Variants in LHFPL3 observed in about 807,000 individuals in gnomAD.
LHFPL3 encodes LHFPL tetraspan subfamily member 3.
Under a neutral mutation model 19.3 loss-of-function variants are expected in LHFPL3, and 5 were observed. The observed-to-expected ratio is 0.26, with a 90% CI of 0.14 to 0.54. The LOEUF (loss-of-function observed/expected upper bound fraction) is 0.54, where lower values mean the gene tolerates loss of function less well. Among genes scored for constraint, LHFPL3 ranks in the 20% least tolerant of loss-of-function variants. The pLI is 0.94. For missense variants in LHFPL3, 249 were observed against 307.4 expected (o/e 0.81, Z 1.42); for synonymous variants, 133 against 126.2 (o/e 1.05, Z -0.36).
intron 2 of LHFPL3, among the ~76,000 whole-genome samples, chr7:104,844,436 G>C (rs1791274194): frequency 6.6e-6 from 1 of 152,180 alleles, no homozygotes; most frequent in Non-Finnish European, 1.5e-5. Context: ...AAGTTACTCT[G>C]AATTGCTTTA....
At chr7:104,732,317 A>G (rs1173061185) in intron 1 of LHFPL3, among the ~76,000 whole-genome samples, 1 of 152,040 alleles carries the variant, frequency 6.6e-6, no homozygotes, top group African/African-American at 2.4e-5. Flanking sequence ...TGCTCCTTGT[A>G]CCTCTGGTAG....
intron 1 of LHFPL3, among the ~76,000 whole-genome samples, chr7:104,383,714 A>T (rs918124126): frequency 6.6e-6 from 1 of 152,288 alleles, no homozygotes; most frequent in Middle Eastern, 3.4e-3. Context: ...TAAAGGTAAG[A>T]TTGTAGGAAT....
intron 1 of LHFPL3, among the ~76,000 whole-genome samples, chr7:104,584,464 T>C (rs1346365457): frequency 6.6e-6 from 1 of 151,984 alleles, no homozygotes; most frequent in Non-Finnish European, 1.5e-5. Context: ...ATAATAATAA[T>C]AAAATTTTTT....
Position 104,518,714 on chromosome 7 carries a change from G to A in LHFPL3, c.445+189490G>A, listed in dbSNP as rs910643006. Among the ~76,000 whole-genome samples the A allele has an allele frequency of 3.3e-5, 5 of 152,206 alleles. No homozygotes were observed. The East Asian group carries it at 5.8e-4, about 18-fold the overall frequency. ...CAGGAGAATCACTTGAACATGGGAG[G>A]TGGAGGTTGCAGTGAGCTGAGATTA... is the stretch of plus-strand genomic sequence containing the variant. On this transcript the variant is annotated intron_variant, in intron 1 of 2. Coordinates refer to ENST00000424859, the MANE Select transcript of LHFPL3 (RefSeq NM_199000.3).
rs565747502 is a variant in LHFPL3 at position 104,849,164 on chromosome 7, C to G, written c.683-57023C>G. Among the ~76,000 whole-genome samples the G allele has an allele frequency of 2.6e-4, 40 of 152,296 alleles. No individual in the cohort carries two copies. In the South Asian group the frequency reaches 8.1e-3, roughly 31 times the overall value. ...CAGGCTGGTCTTGAACTCCTGGGCT[C>G]AAGCCATCCACCCACTTCGGCCTCC... On this transcript the variant is annotated intron_variant, in intron 2 of 2. Transcript: ENST00000424859.
intron 1 of LHFPL3, among the ~76,000 whole-genome samples, chr7:104,466,019 G>A (rs1352878326): frequency 1.3e-5 from 2 of 152,296 alleles, no homozygotes; most frequent in South Asian, 2.1e-4. Flanking sequence ...GCCATGTGGC[G>A]AAGAGAAGAA....
At position 104,683,178 on chromosome 7, in the gene LHFPL3, C is replaced by T. The variant is rs183399281; in HGVS notation, c.446-53497C>T. Among the ~76,000 whole-genome samples the T allele has an allele frequency of 2.9e-3, 437 of 152,196 alleles. 1 individual carries two copies. Among genetic ancestry groups the T allele is most frequent in the African/African-American group, 0.01 (418 of 41,536 alleles). ...CTGATTTTTGTATTTTTAGTAGAGA[C>T]GAGGTTTCACCATGTTGGCCAGACT... is the stretch of plus-strand genomic sequence containing the variant. On this transcript the variant is annotated intron_variant, in intron 1 of 2. Transcript: ENST00000424859.
rs115779568 is a variant in LHFPL3 at position 104,354,361 on chromosome 7, C to G, written c.445+25137C>G. Among the ~76,000 whole-genome samples, 324 of 152,322 alleles carry G rather than the reference C, an allele frequency of 2.1e-3. 4 individuals are homozygous for G. Among genetic ancestry groups the G allele is most frequent in the African/African-American group, 7.3e-3 (302 of 41,582 alleles). The stretch of plus-strand genomic sequence containing the variant: ...AACTGGGAAGTGGACATCTTGTACA[C>G]ATTCTTTGATGAGCCTAGGTGGGAT... On this transcript the variant is annotated intron_variant, in intron 1 of 2. Coordinates refer to ENST00000424859, the MANE Select transcript of LHFPL3 (RefSeq NM_199000.3).
chr7:104,497,137 T>C (rs1333773172), intron 1 of LHFPL3, among the ~76,000 whole-genome samples: 4 of 151,746 alleles, frequency 2.6e-5, no homozygotes, highest in African/African-American at 9.7e-5. Flanking sequence ...ACCATTATTA[T>C]CATACTATCG....
At chr7:104,858,341 C>G (rs1363945476) in intron 2 of LHFPL3, among the ~76,000 whole-genome samples, 1 of 152,196 alleles carries the variant, frequency 6.6e-6, no homozygotes, top group Non-Finnish European at 1.5e-5. Context: ...TTGCTTTCTC[C>G]CACCTTGAAA....
chr7:104,828,894 G>A (rs1367170699), intron 2 of LHFPL3, among the ~76,000 whole-genome samples: 5 of 151,862 alleles, frequency 3.3e-5, no homozygotes, highest in Non-Finnish European at 5.9e-5. Context: ...AATTAGCTGG[G>A]CATGATGGTG....
At chr7:104,343,512 CAAAAAAAAAAAAAAAAAAAAAAA>C (rs536122769) in intron 1 of LHFPL3, among the ~76,000 whole-genome samples, 4 of 47,474 alleles carry the variant, frequency 8.4e-5, no homozygotes, top group Middle Eastern at 0.015. Context: ...GACTCTGTCT[CAAAAAAAAAAAAAAAAAAAAAAA>C]AAAAAAAAAA....
intron 2 of LHFPL3, among the ~76,000 whole-genome samples, chr7:104,794,549 A>C (rs1203019348): frequency 2.0e-5 from 3 of 152,236 alleles, no homozygotes; most frequent in Admixed American, 1.3e-4. Flanking sequence ...GTGTGCGATC[A>C]CATTAAATTC....
intron 1 of LHFPL3, among the ~76,000 whole-genome samples, chr7:104,510,759 G>A (rs2115768261): frequency 6.6e-6 from 1 of 152,256 alleles, no homozygotes; most frequent in South Asian, 2.1e-4. Context: ...AAGCTACCAA[G>A]TGGGAGAATG....
At chr7:104,610,002 G>A (rs1379148842) in intron 1 of LHFPL3, among the ~76,000 whole-genome samples, 1 of 152,088 alleles carries the variant, frequency 6.6e-6, no homozygotes, top group Non-Finnish European at 1.5e-5. Context: ...AGATTAAACA[G>A]ACATCAACGT....
chr7:104,814,401 G>A (rs1790527233), intron 2 of LHFPL3, among the ~76,000 whole-genome samples: 1 of 152,152 alleles, frequency 6.6e-6, no homozygotes, highest in Non-Finnish European at 1.5e-5. Context: ...CCTCTTTGCA[G>A]CTGATCATCT....
intron 1 of LHFPL3, among the ~76,000 whole-genome samples, chr7:104,598,367 CAT>C (rs1354821276): frequency 6.6e-6 from 1 of 152,160 alleles, no homozygotes; most frequent in Non-Finnish European, 1.5e-5. Context: ...AAATTTTAAA[CAT>C]GTGGAATCAA....
At chr7:104,826,672 G>T in intron 2 of LHFPL3, 1 of 153,506 alleles carries the variant, frequency 6.5e-6, no homozygotes, top group South Asian at 1.9e-4. Flanking sequence ...AATGGCTGAA[G>T]ACCCATCATG....
At chr7:104,461,336 G>A (rs1265468913) in intron 1 of LHFPL3, among the ~76,000 whole-genome samples, 1 of 152,110 alleles carries the variant, frequency 6.6e-6, no homozygotes, top group Non-Finnish European at 1.5e-5. Flanking sequence ...ATTTTGGGTG[G>A]GGACACAGCC....
Sources: allele counts gnomAD v4.1 joint callset (sites outside exome capture counted in the v4.1 genomes callset), GRCh38; gene constraint gnomAD v4.1.1; transcripts MANE v1.5; gene names NCBI Gene and HGNC (gene_info 2026-07-23, HGNC 2026-07-21).